PCDHGA4: variants seen among roughly 807,000 people sequenced by gnomAD.
PCDHGA4 encodes protocadherin gamma subfamily A, 4.
PCDHGA4 carries 38 observed loss-of-function variants against 54.6 expected under a neutral mutation model. The ratio of observed to expected loss-of-function variants is 0.70; its 90% CI spans 0.54 to 0.91. The LOEUF (loss-of-function observed/expected upper bound fraction) is 0.91. Among genes scored for constraint, PCDHGA4 ranks in the 40% least tolerant of loss-of-function variants. The pLI, the probability that PCDHGA4 is intolerant of heterozygous loss-of-function variation, is 0.00. For synonymous variants in PCDHGA4, 511 were observed against 512.9 expected (o/e 1.00, Z 0.05); for missense variants, 1,298 against 1,220.9 (o/e 1.06, Z -0.94).
chr5:141,374,729 G>A, intron 1 of PCDHGA4: 2 of 1,610,396 alleles, frequency 1.2e-6, no homozygotes, highest in African/African-American at 2.7e-5. Context: ...TACTGCCATG[G>A]ATGGCGGCGA....
At chr5:141,420,748 C>G (rs2096523185) in intron 1 of PCDHGA4, among the ~76,000 whole-genome samples, 1 of 152,214 alleles carries the variant, frequency 6.6e-6, no homozygotes, top group Non-Finnish European at 1.5e-5. Context: ...TTGGAACCAA[C>G]TACAACCTAC....
intron 1 of PCDHGA4, chr5:141,394,556 C>T (rs752795340): frequency 1.9e-6 from 3 of 1,614,112 alleles, no homozygotes; most frequent in Admixed American, 3.3e-5. Context: ...CGCCCCGCTC[C>T]GCAGAGCGTG....
At chr5:141,455,911 ATTTT>A (rs1404284843) in intron 1 of PCDHGA4, among the ~76,000 whole-genome samples, 2 of 114,614 alleles carry the variant, frequency 1.7e-5, no homozygotes, top group African/African-American at 3.3e-5. Context: ...TTATTTATTT[ATTTT>A]GAGACGGAGT....
At chr5:141,492,216 C>T (rs1163022229) in intron 1 of PCDHGA4, among the ~76,000 whole-genome samples, 1 of 152,140 alleles carries the variant, frequency 6.6e-6, no homozygotes, top group Non-Finnish European at 1.5e-5. Context: ...GCGCGGGGCT[C>T]ATGCGTGTCC....
chr5:141,361,744 C>T, intron 1 of PCDHGA4: 1 of 1,613,118 alleles, frequency 6.2e-7, no homozygotes, highest in Non-Finnish European at 8.5e-7. Context: ...GGCCCGCGAC[C>T]AGGGCTCGCC....
Position 141,410,521 on chromosome 5 carries a change from A to G in PCDHGA4, c.2514+52900A>G, listed in dbSNP as rs201505796. ...ATTTCCTAAAATGCAGTGTGCCCCT[A>G]CATTCCAATGAAGACATGGTTTGCA... is the stretch of plus-strand genomic sequence containing the variant. On this transcript the variant is annotated intron_variant, in intron 1 of 3. Coordinates refer to ENST00000571252, the MANE Select transcript of PCDHGA4 (RefSeq NM_018917.4). 1,940 of 1,613,966 alleles carry G rather than the reference A, an allele frequency of 1.2e-3. 3 individuals are homozygous for G. Among genetic ancestry groups the G allele is most frequent in the Non-Finnish European group, 1.5e-3 (1,760 of 1,179,896 alleles).
chr5:141,501,030 A>G (rs2099805050), intron 2 of PCDHGA4, among the ~76,000 whole-genome samples: 1 of 151,848 alleles, frequency 6.6e-6, no homozygotes, highest in Admixed American at 6.6e-5. Flanking sequence ...CACCACGCCC[A>G]GCTAATTTTT....
At chr5:141,483,907 C>A (rs545585133) in intron 1 of PCDHGA4, among the ~76,000 whole-genome samples, 1 of 151,240 alleles carries the variant, frequency 6.6e-6, no homozygotes, top group East Asian at 1.9e-4. Context: ...TGGTGTGTTT[C>A]CCACTCAGAT....
intron 1 of PCDHGA4, among the ~76,000 whole-genome samples, chr5:141,481,426 A>T (rs1431602618): frequency 6.6e-6 from 1 of 152,238 alleles, no homozygotes; most frequent in Non-Finnish European, 1.5e-5. Context: ...TGTGATGATG[A>T]TTGTATCAGT....
intron 3 of PCDHGA4, 154 bp from the exon 4 acceptor site, chr5:141,510,793 G>A: frequency 1.1e-6 from 1 of 935,078 alleles, no homozygotes; most frequent in Non-Finnish European, 1.3e-6. Context: ...CTCTTGTGAA[G>A]AGAGACTACC....
At chr5:141,506,119 G>T (rs1171566108) in intron 3 of PCDHGA4, among the ~76,000 whole-genome samples, 1 of 152,106 alleles carries the variant, frequency 6.6e-6, no homozygotes, top group African/African-American at 2.4e-5. Context: ...AGTCACTAGG[G>T]CCCAGAGCAG....
intron 1 of PCDHGA4, chr5:141,379,119 T>G (rs1179184154): frequency 6.6e-6 from 1 of 152,346 alleles, no homozygotes; most frequent in Admixed American, 6.5e-5. Flanking sequence ...AGAAGATACC[T>G]TGAAAATAAA....
chr5:141,510,804 T>C (rs965530116), intron 3 of PCDHGA4, 143 bp from the exon 4 acceptor site: 2 of 1,504,768 alleles, frequency 1.3e-6, no homozygotes, highest in Admixed American at 2.0e-5. Flanking sequence ...AGAGACTACC[T>C]TGGTGACCCC....
At chr5:141,423,205 A>G in intron 1 of PCDHGA4, 1 of 1,613,612 alleles carries the variant, frequency 6.2e-7, no homozygotes, top group South Asian at 1.1e-5. Flanking sequence ...GGCCACCGTC[A>G]CGCTCACCGT....
At chr5:141,428,145 A>T (rs748256830) in intron 1 of PCDHGA4, 11 of 1,592,456 alleles carry the variant, frequency 6.9e-6, no homozygotes, top group Non-Finnish European at 8.6e-7. Flanking sequence ...GGGGCTGCAC[A>T]CGGGAACCTG....
intron 1 of PCDHGA4, chr5:141,388,988 A>G (rs756635794): frequency 6.2e-7 from 1 of 1,614,076 alleles, no homozygotes; most frequent in Non-Finnish European, 8.5e-7. Flanking sequence ...CTTTGCTCAA[A>G]GTCCGTGACA....
At chr5:141,420,770 T>G (rs1485978181) in intron 1 of PCDHGA4, among the ~76,000 whole-genome samples, 1 of 152,202 alleles carries the variant, frequency 6.6e-6, no homozygotes, top group Non-Finnish European at 1.5e-5. Flanking sequence ...AGTTTTCAGC[T>G]CCAGTAATAT....
In PCDHGA4 at chr5:141,432,867, T is replaced by C; in HGVS notation, c.2515-61940T>C. ...GTAGCGGTGGCCGCGGTCTCCTGCG[T>C]CTTCCTGGCCTTCGTCATCTTGCTG... On this transcript the variant is annotated intron_variant, in intron 1 of 3. Coordinates refer to ENST00000571252, the MANE Select transcript of PCDHGA4 (RefSeq NM_018917.4). The surrounding 1 kb of genome is among the most constrained non-coding windows in gnomAD (Gnocchi z 6.0). 2 of 1,614,182 alleles carry C rather than the reference T, an allele frequency of 1.2e-6. No individual in the cohort carries two copies. The highest frequency in any genetic ancestry group is 1.7e-6 in the Non-Finnish European group (2 of 1,180,010).
intron 1 of PCDHGA4, chr5:141,399,982 A>C: frequency 6.2e-7 from 1 of 1,612,330 alleles, no homozygotes; most frequent in Non-Finnish European, 8.5e-7. Context: ...GGGGCTGCGC[A>C]CAGGAGAGGT....
Sources: allele counts gnomAD v4.1 joint callset (sites outside exome capture counted in the v4.1 genomes callset), GRCh38; gene constraint gnomAD v4.1.1; non-coding constraint Gnocchi (gnomAD v3.1); transcripts MANE v1.5; gene names NCBI Gene and HGNC (gene_info 2026-07-23, HGNC 2026-07-21).